DCC: variants seen among roughly 807,000 people sequenced by gnomAD.
DCC encodes the protein netrin receptor DCC.
In DCC, 58 loss-of-function variants were observed where a neutral mutation model predicts 172.5. That is an observed-to-expected ratio of 0.34 (90% CI 0.27 to 0.42). DCC has a LOEUF of 0.42. DCC is among the 10% of genes least tolerant of loss of function. The pLI is 1.00. For missense variants in DCC, 1,740 were observed against 1,791.0 expected (o/e 0.97, Z 0.51); for synonymous variants, 709 against 644.5 (o/e 1.10, Z -1.52).
At chr18:52,531,813 T>C (rs1212148295) in intron 1 of DCC, among the ~76,000 whole-genome samples, 1 of 152,192 alleles carries the variant, frequency 6.6e-6, no homozygotes, top group Non-Finnish European at 1.5e-5. Flanking sequence ...AGGCTGAATA[T>C]CTGTACTAAT....
Position 53,157,457 on chromosome 18 carries a change from G to A in DCC, c.1363G>A (p.Ala455Thr), listed in dbSNP as rs756047757. The A allele has an allele frequency of 2.5e-6, 4 of 1,614,048 alleles. No individual in the cohort carries two copies. In the Admixed American group the frequency reaches 6.7e-5, roughly 27 times the overall value. The change falls in exon 8 of 29, where the codon GCG (alanine) becomes ACG (threonine). Residue 455 changes from alanine (A) to threonine (T), a missense_variant. Transcript: ENST00000442544. ...TCTCAGCTGGCGCCCACCTGCAGAAGCGAAAGGGAACATTCAAACTTTCAC... is the reference window on the plus strand; with the variant it reads ...TCTCAGCTGGCGCCCACCTGCAGAAACGAAAGGGAACATTCAAACTTTCAC... ...VRLSWRPPAE[A>T]KGNIQTFTVF...
chr18:52,342,869 A>C (rs1290248124), intron 1 of DCC, among the ~76,000 whole-genome samples: 2 of 151,278 alleles, frequency 1.3e-5, no homozygotes, highest in Non-Finnish European at 2.9e-5. Context: ...AAATTAATTA[A>C]ATATTCTCTT....
At chr18:53,026,543 A>G (rs893906518) in intron 5 of DCC, among the ~76,000 whole-genome samples, 1 of 151,846 alleles carries the variant, frequency 6.6e-6, no homozygotes, top group African/African-American at 2.4e-5. Context: ...TGCTACCACA[A>G]CCTGTCTTTA....
intron 3 of DCC, among the ~76,000 whole-genome samples, chr18:52,907,889 T>G (rs1376258742): frequency 2.6e-5 from 4 of 152,170 alleles, no homozygotes; most frequent in Non-Finnish European, 5.9e-5. Context: ...TATGATGATT[T>G]TAAAAAAGTC....
intron 1 of DCC, among the ~76,000 whole-genome samples, chr18:52,487,375 G>A (rs1399626863): frequency 6.6e-6 from 1 of 152,192 alleles, no homozygotes; most frequent in Non-Finnish European, 1.5e-5. Flanking sequence ...GAGATACTCA[G>A]TACCTAGAAG....
intron 12 of DCC, among the ~76,000 whole-genome samples, chr18:53,287,200 C>T (rs1258073870): frequency 6.6e-6 from 1 of 152,146 alleles, no homozygotes; most frequent in Non-Finnish European, 1.5e-5. Flanking sequence ...GTATATTTGC[C>T]TATTATGTAC....
rs2042295582 is a variant in DCC at position 53,048,830 on chromosome 18, A to T, written c.986-14475A>T. On this transcript the variant is annotated intron_variant, in intron 5 of 28. Transcript: ENST00000442544. ...GTATAAGGATTTTCTTCTCTCCACA[A>T]CCTCACCAGCACCTGTTATTTTTTG... Among the ~76,000 whole-genome samples, 3 of 151,532 alleles carry T rather than the reference A, an allele frequency of 2.0e-5. No homozygotes were observed. In the South Asian group the frequency reaches 6.2e-4, roughly 31 times the overall value.
intron 2 of DCC, among the ~76,000 whole-genome samples, chr18:52,900,263 C>G (rs2039791520): frequency 6.6e-6 from 1 of 152,136 alleles, no homozygotes; most frequent in African/African-American, 2.4e-5. Context: ...GTTCTAGGAA[C>G]AAATTGGGGT....
intron 12 of DCC, among the ~76,000 whole-genome samples, chr18:53,301,285 C>T (rs1045989267): frequency 6.6e-5 from 10 of 151,820 alleles, no homozygotes; most frequent in Non-Finnish European, 1.3e-4. Context: ...GATGGGGTTT[C>T]TCCATGCTGG....
At chr18:53,118,365 A>G (rs1166676790) in intron 7 of DCC, among the ~76,000 whole-genome samples, 1 of 151,822 alleles carries the variant, frequency 6.6e-6, no homozygotes, top group Non-Finnish European at 1.5e-5. Context: ...TAAAGCATGT[A>G]GTTTTATAAC....
At chr18:52,876,067 T>C (rs559346963) in intron 2 of DCC, among the ~76,000 whole-genome samples, 1 of 152,264 alleles carries the variant, frequency 6.6e-6, no homozygotes, top group African/African-American at 2.4e-5. Flanking sequence ...TATTTTGATG[T>C]TCTTTAGTGA....
In DCC at chr18:53,109,675, G is replaced by A. The variant is rs534861402; in HGVS notation, c.1261+43509G>A. ...TAACCCCAGGCAATTTTCGTCTGCT[G>A]GGAAGATTTGGTAATGAGAAGACAT... On this transcript the variant is annotated intron_variant, in intron 7 of 28. Transcript: ENST00000442544. Among the ~76,000 whole-genome samples, 30 of 149,858 alleles carry A rather than the reference G, an allele frequency of 2.0e-4. No homozygotes were observed. In the South Asian group the frequency reaches 6.3e-3, roughly 32 times the overall value.
At chr18:53,354,136 C>A (rs1315986516) in intron 15 of DCC, among the ~76,000 whole-genome samples, 2 of 152,158 alleles carry the variant, frequency 1.3e-5, no homozygotes. Context: ...TGTATATGTG[C>A]CACATTTTCT....
At chr18:52,770,645 A>C (rs144722570) in intron 2 of DCC, among the ~76,000 whole-genome samples, 1 of 152,264 alleles carries the variant, frequency 6.6e-6, no homozygotes, top group East Asian at 1.9e-4. Flanking sequence ...CTGCAGAGCC[A>C]AGGAGCTGAG....
At chr18:52,564,677 G>A (rs79143676) in intron 1 of DCC, among the ~76,000 whole-genome samples, 2 of 132,116 alleles carry the variant, frequency 1.5e-5, no homozygotes, top group East Asian at 2.4e-4. Context: ...TGGGGGGGGG[G>A]GTGTTAAAAT....
rs550425237 is a variant in DCC, at chr18:52,381,958, T to A, written c.91+41080T>A. ...TTGGAAGTCTTGGAAAAAAGCTGTC[T>A]CCTTGGTCCATGCTTTGGAGAAACA... On this transcript the variant is annotated intron_variant, in intron 1 of 28. Transcript: ENST00000442544. Among the ~76,000 whole-genome samples the A allele has an allele frequency of 2.6e-5, 4 of 152,260 alleles. No homozygotes were observed. The South Asian group carries it at 8.3e-4, about 32-fold the overall frequency.
chr18:53,507,448 A>T (rs967513400), intron 27 of DCC, among the ~76,000 whole-genome samples: 1 of 152,240 alleles, frequency 6.6e-6, no homozygotes, highest in African/African-American at 2.4e-5. Context: ...TATAACTCTT[A>T]TCTTACTAGC....
chr18:52,475,178 T>G (rs1989058221), intron 1 of DCC, among the ~76,000 whole-genome samples: 1 of 152,170 alleles, frequency 6.6e-6, no homozygotes, highest in East Asian at 1.9e-4. Context: ...TGTCTAGAGA[T>G]AGATAATACT....
At position 52,874,379 on chromosome 18, in the gene DCC, C is replaced by T. The variant is rs116138404; in HGVS notation, c.413-31665C>T. 2.1e-3 allele frequency among the ~76,000 whole-genome samples: 316 copies of T among 152,214 alleles called. 2 individuals carry two copies. The highest frequency in any genetic ancestry group is 7.1e-3 in the African/African-American group (296 of 41,524). ...TCTGCAAAATAATTAAGCTGTCATA[C>T]GGACTTCTTTATAATCAAAATTGAC... On this transcript the variant is annotated intron_variant, in intron 2 of 28. Transcript: ENST00000442544.
Sources: allele counts gnomAD v4.1 joint callset (sites outside exome capture counted in the v4.1 genomes callset), GRCh38; gene constraint gnomAD v4.1.1; transcripts MANE v1.5; gene names NCBI Gene and HGNC (gene_info 2026-07-23, HGNC 2026-07-21).